The following CYP24A1 variants were observed in gnomAD, a reference collection of about 807,000 sequenced individuals.
CYP24A1 encodes the protein 1,25-dihydroxyvitamin D(3) 24-hydroxylase, mitochondrial.
A neutral mutation model predicts 62.4 loss-of-function variants in CYP24A1; 68 were observed. The ratio of observed to expected loss-of-function variants is 1.09; its 90% CI spans 0.90 to 1.33. The LOEUF is 1.33. Ranked by LOEUF, CYP24A1 falls within the 40% of genes most tolerant of loss-of-function variation. CYP24A1 has a pLI of 0.00. For synonymous variants in CYP24A1, 267 were observed against 253.0 expected, an observed-to-expected ratio of 1.06 and a Z score of -0.52; for missense variants, 787 against 653.0, an observed-to-expected ratio of 1.21 and a Z score of -2.24.
chr20:54,162,314 C>T (rs1434873659), intron 7 of CYP24A1, among the ~76,000 whole-genome samples: 2 of 126,482 alleles, frequency 1.6e-5, no homozygotes, highest in African/African-American at 6.1e-5. Context: ...GAACAAAATA[C>T]TTCCAATTTT....
At chr20:54,166,367 T>G (rs1448042638) in intron 4 of CYP24A1, among the ~76,000 whole-genome samples, 1 of 152,154 alleles carries the variant, frequency 6.6e-6, no homozygotes, top group Non-Finnish European at 1.5e-5. Context: ...ACAAATAAAA[T>G]TCTCAACTCT....
intron 4 of CYP24A1, among the ~76,000 whole-genome samples, chr20:54,168,173 G>C (rs1255756715): frequency 1.3e-5 from 2 of 152,168 alleles, no homozygotes; most frequent in Non-Finnish European, 2.9e-5. Flanking sequence ...TCCGGCTTAG[G>C]TGGCCCTCTC....
At chr20:54,150,497 CTAATTT>C (rs2146449190), downstream of CYP24A1, among the ~76,000 whole-genome samples, 1 of 152,198 alleles carries the variant, frequency 6.6e-6, no homozygotes, top group Non-Finnish European at 1.5e-5. Flanking sequence ...CCATGCCCAG[CTAATTT>C]TTAGTACAGA....
intron 5 of CYP24A1, 36 bp downstream of exon 5, chr20:54,165,702 CATCA>C (rs762810074): frequency 1.0e-5 from 10 of 978,882 alleles, no homozygotes; most frequent in Non-Finnish European, 1.5e-5. Flanking sequence ...ATCTGTAAAA[CATCA>C]ATCAAGAAAA....
chr20:54,172,563 A>G (rs1408192561), intron 2 of CYP24A1, among the ~76,000 whole-genome samples: 1 of 152,178 alleles, frequency 6.6e-6, no homozygotes, highest in Non-Finnish European at 1.5e-5. Flanking sequence ...TGTTTGTATA[A>G]GATGTTTGCC....
At position 54,154,418 on chromosome 20, in the gene CYP24A1, A is replaced by G. The variant is rs1270669273; in HGVS notation, c.*354T>C. ...TAAGTAGTACATTAAGCAGAGCTAC[A>G]GTAAATGGATTGTCAGTATTACTCC... is the stretch of plus-strand genomic sequence containing the variant. On this transcript the variant is annotated 3_prime_UTR_variant, in exon 12 of 12. Coordinates refer to ENST00000216862, the MANE Select transcript of CYP24A1 (RefSeq NM_000782.5). 6.6e-6 allele frequency: 1 copy of G among 152,234 alleles called. No individual in the cohort carries two copies. The highest frequency in any genetic ancestry group is 1.5e-5 in the Non-Finnish European group (1 of 68,034). 9.4% of individuals were successfully genotyped at this position (152,234 alleles called of 1,614,324 possible). A position where few individuals can be genotyped will look rare whatever the true frequency, so the allele number is the denominator to read the frequency against.
In CYP24A1 at chr20:54,158,085, C is replaced by T; in HGVS notation, c.1236+1G>A. 2 of 1,613,552 alleles carry T rather than the reference C, an allele frequency of 1.2e-6. No homozygotes were observed. Among genetic ancestry groups the T allele is most frequent in the Non-Finnish European group, 1.7e-6 (2 of 1,179,832 alleles). ...GTATAGAATATACAAATTCTACTTA[C>T]TCCTTTGGGTAAAGCATATTCACCC... On this transcript the variant is annotated splice_donor_variant, in intron 9 of 11. Transcript: ENST00000216862. LOFTEE classifies it high-confidence loss of function.
chr20:54,161,636 T>C (rs901046090), intron 7 of CYP24A1, among the ~76,000 whole-genome samples: 6 of 151,672 alleles, frequency 4.0e-5, no homozygotes, highest in African/African-American at 1.5e-4. Context: ...AGTGGACAAC[T>C]CTAAGCCATT....
chr20:54,157,363 T>C (rs2092632523), intron 10 of CYP24A1, 25 bp downstream of exon 10: 25 of 1,529,222 alleles, frequency 1.6e-5, no homozygotes, highest in Non-Finnish European at 2.3e-5. Flanking sequence ...CAGAACATAA[T>C]TGCAGAAACC....
At chr20:54,167,170 T>A (rs1016138878) in intron 4 of CYP24A1, among the ~76,000 whole-genome samples, 3 of 150,248 alleles carry the variant, frequency 2.0e-5, no homozygotes, top group East Asian at 2.0e-4. Flanking sequence ...GGAGTGAGAG[T>A]CAATTAGCTT....
chr20:54,173,108 G>C lies in CYP24A1; in HGVS notation c.259-9C>G. The C allele has an allele frequency of 6.2e-7, 1 of 1,601,562 alleles. No individual in the cohort carries two copies. Among genetic ancestry groups the C allele is most frequent in the Non-Finnish European group, 8.5e-7 (1 of 1,179,790 alleles). On this transcript the variant is annotated splice_polypyrimidine_tract_variant and intron_variant, in intron 1 of 11. Transcript: ENST00000216862. This position sits in a 1 kb window ranked among gnomAD's most constrained non-coding sequence, Gnocchi z 7.2. Reference sequence around the variant, plus strand: ...TTCTTGTGGTACTCCACCTGCAGCCGGCCGGGCACAGCGCGGTGTCAGCGC... The same window carrying C: ...TTCTTGTGGTACTCCACCTGCAGCCCGCCGGGCACAGCGCGGTGTCAGCGC...
At chr20:54,157,630 G>A (rs754174985) in intron 9 of CYP24A1, 45 bp from the exon 10 acceptor site, 15 of 1,187,904 alleles carry the variant, frequency 1.3e-5, no homozygotes, top group Non-Finnish European at 1.6e-5. Flanking sequence ...AACCAGAAGA[G>A]ACCTTTGAAT....
chr20:54,159,400 T>G (rs550877934), intron 7 of CYP24A1, among the ~76,000 whole-genome samples: 1,975 of 151,108 alleles, frequency 0.013, 51 homozygotes, highest in African/African-American at 0.046. Context: ...AAATACAGTT[T>G]TTTTTTTTTT....
At chr20:54,157,024 G>C (rs2092630499) in intron 11 of CYP24A1, 145 bp downstream of exon 11, 1 of 618,002 alleles carries the variant, frequency 1.6e-6, no homozygotes. Flanking sequence ...AAAGGAAGTA[G>C]AGAGTTTAGG....
At chr20:54,164,697 GCTCT>G in intron 5 of CYP24A1, 134 bp from the exon 6 acceptor site, 1 of 1,527,974 alleles carries the variant, frequency 6.5e-7, no homozygotes, top group East Asian at 2.4e-5. Flanking sequence ...GACACCCCCG[GCTCT>G]CTCTGCACCG....
At chr20:54,164,145 G>C (rs572032652) in intron 6 of CYP24A1, among the ~76,000 whole-genome samples, 2 of 152,090 alleles carry the variant, frequency 1.3e-5, no homozygotes, top group Non-Finnish European at 2.9e-5. Context: ...CGTGTTGACC[G>C]GGCTGATCTC....
Position 54,173,368 on chromosome 20 carries a change from A to C in CYP24A1, c.212T>G (p.Leu71Arg). ...PTSWPLLGSLLQILWKGGLKK... is the reference protein window; with the variant it reads ...PTSWPLLGSLRQILWKGGLKK... ...GAGACCCCCTTTCCAGAGAATCTGC[A>C]GCAGGCTGCCCAGCAGTGGCCAGCT... The change falls in exon 1 of 12, where the codon CTG (leucine) becomes CGG (arginine). Residue 71 changes from leucine (L) to arginine (R), a missense_variant. Transcript: ENST00000216862. This position sits in a 1 kb window ranked among gnomAD's most constrained non-coding sequence, Gnocchi z 7.2. 1 of 1,603,214 alleles carries C rather than the reference A, an allele frequency of 6.2e-7. No homozygotes were observed. Among genetic ancestry groups the C allele is most frequent in the Non-Finnish European group, 8.5e-7 (1 of 1,174,186 alleles).
At chr20:54,159,999 G>T (rs1370487627) in intron 7 of CYP24A1, among the ~76,000 whole-genome samples, 1 of 152,210 alleles carries the variant, frequency 6.6e-6, no homozygotes, top group Non-Finnish European at 1.5e-5. Flanking sequence ...TCAGGGTGTT[G>T]CTAATGAGAG....
chr20:54,168,628 A>G (rs962221921), intron 4 of CYP24A1, among the ~76,000 whole-genome samples: 1 of 152,136 alleles, frequency 6.6e-6, no homozygotes, highest in Non-Finnish European at 1.5e-5. Flanking sequence ...ATGTCTTCTT[A>G]CTAAAAAAGA....
Sources: allele counts gnomAD v4.1 joint callset (sites outside exome capture counted in the v4.1 genomes callset), GRCh38; gene constraint gnomAD v4.1.1; non-coding constraint Gnocchi (gnomAD v3.1); transcripts MANE v1.5; gene names NCBI Gene and HGNC (gene_info 2026-07-23, HGNC 2026-07-21).